IL1RAPL2: variants seen among roughly 807,000 people sequenced by gnomAD.
The protein encoded by IL1RAPL2 is X-linked interleukin-1 receptor accessory protein-like 2.
A neutral mutation model predicts 44.1 loss-of-function variants in IL1RAPL2; 3 were observed. The ratio of observed to expected loss-of-function variants is 0.07; its 90% CI spans 0.03 to 0.18. The LOEUF is 0.18. Ranked by LOEUF, IL1RAPL2 falls within the 10% of genes least tolerant of loss-of-function variation. The probability of loss-of-function intolerance (pLI) is 1.00; values close to 1 mark genes in which losing one functional copy is unlikely to be tolerated. For synonymous variants in IL1RAPL2, 181 were observed against 178.8 expected (o/e 1.01, Z -0.10); for missense variants, 391 against 496.4 (o/e 0.79, Z 2.02).
intron 3 of IL1RAPL2, among the ~76,000 whole-genome samples, chrX:105,215,911 C>T (rs565765636): frequency 1.8e-5 from 2 of 111,557 alleles, no homozygotes; most frequent in Non-Finnish European, 3.8e-5. Context: ...AAATTCAACA[C>T]CCCTTTATGA....
intron 2 of IL1RAPL2, among the ~76,000 whole-genome samples, chrX:105,160,216 C>T (rs1014915213): frequency 9.1e-6 from 1 of 110,193 alleles, no homozygotes; most frequent in East Asian, 2.9e-4. Context: ...CTTTGCAGTC[C>T]GTTTACGGGT....
chrX:105,447,106 TAA>T (rs1257715452), intron 5 of IL1RAPL2, among the ~76,000 whole-genome samples: 1,682 of 33,208 alleles, frequency 0.051, 309 homozygotes, highest in African/African-American at 0.26. Context: ...TATATATATA[TAA>T]AAATATATAT....
intron 5 of IL1RAPL2, among the ~76,000 whole-genome samples, chrX:105,340,780 T>G (rs997669164): frequency 1.8e-5 from 2 of 112,244 alleles, no homozygotes; most frequent in Non-Finnish European, 3.8e-5. Flanking sequence ...CAATCCACCT[T>G]ACTCTGATCT....
Position 105,381,692 on chromosome X carries a change from T to C in IL1RAPL2, c.698-102621T>C, listed in dbSNP as rs185016520. On this transcript the variant is annotated intron_variant, in intron 5 of 10. Coordinates refer to ENST00000372582, the MANE Select transcript of IL1RAPL2 (RefSeq NM_017416.2). ...TTGATACAAGTGTGTAATGATCAAATCAGAGGAATTGGGATATACATCATC... is the reference window on the plus strand; with the variant it reads ...TTGATACAAGTGTGTAATGATCAAACCAGAGGAATTGGGATATACATCATC... 4.3e-3 allele frequency among the ~76,000 whole-genome samples: 477 copies of C among 112,183 alleles called. 5 individuals are homozygous for C. The highest frequency in any genetic ancestry group is 0.015 in the African/African-American group (450 of 30,958).
intron 6 of IL1RAPL2, among the ~76,000 whole-genome samples, chrX:105,635,492 A>T (rs1003824612): frequency 4.4e-4 from 49 of 111,563 alleles, no homozygotes; most frequent in African/African-American, 1.6e-3. Flanking sequence ...ACTTTAGTCA[A>T]TGCTATAAAA....
chrX:104,876,495 G>A (rs1374398989), intron 2 of IL1RAPL2, among the ~76,000 whole-genome samples: 2 of 110,812 alleles, frequency 1.8e-5, no homozygotes, highest in Non-Finnish European at 3.8e-5. Context: ...TGCTGACGTA[G>A]TTACTAAAAC....
intron 5 of IL1RAPL2, among the ~76,000 whole-genome samples, chrX:105,331,882 G>A (rs1273526514): frequency 9.1e-6 from 1 of 110,487 alleles, no homozygotes; most frequent in Non-Finnish European, 1.9e-5. Flanking sequence ...CTAACTTAAG[G>A]TTTCCTTAAG....
At chrX:104,943,253 A>G (rs1925244144) in intron 2 of IL1RAPL2, among the ~76,000 whole-genome samples, 1 of 110,678 alleles carries the variant, frequency 9.0e-6, no homozygotes, top group Admixed American at 9.7e-5. Flanking sequence ...GATCTTACCC[A>G]GTTTCATGGT....
intron 8 of IL1RAPL2, among the ~76,000 whole-genome samples, chrX:105,742,490 C>A (rs778474451): frequency 9.0e-6 from 1 of 111,382 alleles, no homozygotes; most frequent in Non-Finnish European, 1.9e-5. Flanking sequence ...TAAAGCAACA[C>A]AAGGCAGCCC....
At chrX:105,223,947 T>A (rs1301210727) in intron 3 of IL1RAPL2, among the ~76,000 whole-genome samples, 1 of 111,245 alleles carries the variant, frequency 9.0e-6, no homozygotes, top group Admixed American at 9.7e-5. Flanking sequence ...GTGATAGTTA[T>A]ATTGAATTAT....
At chrX:105,457,964 A>G (rs2036068177) in intron 5 of IL1RAPL2, among the ~76,000 whole-genome samples, 1 of 111,233 alleles carries the variant, frequency 9.0e-6, no homozygotes, top group Non-Finnish European at 1.9e-5. Context: ...GTTTCTTCAC[A>G]TCCTTGCCAA....
chrX:105,443,390 T>G, intron 5 of IL1RAPL2, among the ~76,000 whole-genome samples: 1 of 111,308 alleles, frequency 9.0e-6, no homozygotes, highest in Non-Finnish European at 1.9e-5. Flanking sequence ...AGATGTACAA[T>G]TAAATTATTA....
rs778555844 is a variant in IL1RAPL2, at chrX:104,910,374, C to T, written c.82+251379C>T. ...TGTTCCTATTCGTCCATCTTGGCTC[C>T]TCTCTAAATTATTCTTTAAGTTCTG... On this transcript the variant is annotated intron_variant, in intron 2 of 10. Transcript: ENST00000372582. Among the ~76,000 whole-genome samples, 14 of 112,270 alleles carry T rather than the reference C, an allele frequency of 1.2e-4. No homozygotes were observed. The South Asian group carries it at 2.6e-3, about 21-fold the overall frequency.
intron 2 of IL1RAPL2, among the ~76,000 whole-genome samples, chrX:104,702,708 A>G (rs767304019): frequency 5.4e-5 from 6 of 111,036 alleles, no homozygotes; most frequent in Non-Finnish European, 1.1e-4. Flanking sequence ...GTGAACAGGG[A>G]GGTGGTGGTG....
At chrX:104,816,216 T>C (rs1038153366) in intron 2 of IL1RAPL2, among the ~76,000 whole-genome samples, 1 of 112,135 alleles carries the variant, frequency 8.9e-6, no homozygotes, top group Non-Finnish European at 1.9e-5. Flanking sequence ...TTAATTTTTA[T>C]GTGGGCTACA....
chrX:104,880,295 C>A (rs1923028017), intron 2 of IL1RAPL2, among the ~76,000 whole-genome samples: 1 of 110,973 alleles, frequency 9.0e-6, no homozygotes, highest in Non-Finnish European at 1.9e-5. Flanking sequence ...TATAAGACAG[C>A]CCTGCCAGAG....
chrX:104,855,681 G>GTTTTTTTTTTTTTTTTTT lies in IL1RAPL2; in HGVS notation c.82+196703_82+196704insTTTTTTTTTTTTTTTTTT, dbSNP rs1556002120. Among the ~76,000 whole-genome samples the GTTTTTTTTTTTTTTTTTT allele has an allele frequency of 8.5e-3, 458 of 53,769 alleles. 51 individuals carry two copies. Among genetic ancestry groups the GTTTTTTTTTTTTTTTTTT allele is most frequent in the African/African-American group, 0.027 (439 of 16,433 alleles). 46.7% of individuals were successfully genotyped at this position (53,769 alleles called of 115,157 possible). A position where few individuals can be genotyped will look rare whatever the true frequency, so the allele number is the denominator to read the frequency against. ...TTAACTGTGCTAAGGATCTGGATCC[G>GTTTTTTTTTTTTTTTTTT]TTTTTTTTTTTTTTTTTACTGTATC... On this transcript the variant is annotated intron_variant, in intron 2 of 10. Coordinates refer to ENST00000372582, the MANE Select transcript of IL1RAPL2 (RefSeq NM_017416.2).
chrX:104,965,201 G>A (rs1028873328), intron 2 of IL1RAPL2, among the ~76,000 whole-genome samples: 3 of 111,524 alleles, frequency 2.7e-5, no homozygotes, highest in Non-Finnish European at 5.6e-5. Flanking sequence ...ATTTGGGATC[G>A]TGATTGCCAG....
At chrX:104,741,932 C>T (rs1932107269) in intron 2 of IL1RAPL2, among the ~76,000 whole-genome samples, 2 of 111,476 alleles carry the variant, frequency 1.8e-5, no homozygotes, top group Non-Finnish European at 3.8e-5. Flanking sequence ...TCTTGATCTA[C>T]TGAGTGAATT....
Sources: gnomAD v4.1 joint callset for allele counts (sites outside exome capture counted in the v4.1 genomes callset) on GRCh38, gnomAD v4.1.1 for gene constraint, MANE v1.5 for transcripts, NCBI Gene and HGNC (gene_info 2026-07-23, HGNC 2026-07-21) for gene names.